LONRF2: variants seen among roughly 807,000 people sequenced by gnomAD.
The protein encoded by LONRF2 is LON peptidase N-terminal domain and RING finger protein 2.
In LONRF2, 35 loss-of-function variants were observed where a neutral mutation model predicts 66.6. The observed-to-expected ratio is 0.53, with a 90% CI of 0.40 to 0.70. The LOEUF is 0.70. LONRF2 is among the 30% of genes least tolerant of loss of function. The pLI is 0.00. For missense variants in LONRF2, 902 were observed against 1,002.1 expected (o/e 0.90, Z 1.35); for synonymous variants, 417 against 418.1 (o/e 1.00, Z 0.03).
chr2:100,320,926 A>G (rs1449222625), intron 1 of LONRF2, among the ~76,000 whole-genome samples: 4 of 152,208 alleles, frequency 2.6e-5, no homozygotes, highest in Non-Finnish European at 5.9e-5. Flanking sequence ...TGAGACAGAG[A>G]GCAGGCTAGA....
chr2:100,290,673 A>G (rs1409288531), intron 9 of LONRF2, among the ~76,000 whole-genome samples: 1 of 152,182 alleles, frequency 6.6e-6, no homozygotes, highest in Non-Finnish European at 1.5e-5. Context: ...AGCGGTTCCA[A>G]CGGGCTAGTG....
At chr2:100,286,378 A>G (rs1257293660) in intron 11 of LONRF2, among the ~76,000 whole-genome samples, 1 of 152,134 alleles carries the variant, frequency 6.6e-6, no homozygotes, top group African/African-American at 2.4e-5. Flanking sequence ...ATGCTCCACA[A>G]ACCTAAGCTC....
intron 1 of LONRF2, among the ~76,000 whole-genome samples, chr2:100,314,448 T>A (rs2104211506): frequency 6.6e-6 from 1 of 152,346 alleles, no homozygotes; most frequent in South Asian, 2.1e-4. Flanking sequence ...TCAATGGTGT[T>A]AAGTGAGTAC....
At chr2:100,305,199 A>AAAAC (rs1228433455) in intron 2 of LONRF2, among the ~76,000 whole-genome samples, 1 of 152,208 alleles carries the variant, frequency 6.6e-6, no homozygotes, top group Non-Finnish European at 1.5e-5. Flanking sequence ...GACAAAACAA[A>AAAAC]AAACAAACAA....
chr2:100,320,940 G>A (rs927138905), intron 1 of LONRF2, among the ~76,000 whole-genome samples: 2 of 152,184 alleles, frequency 1.3e-5, no homozygotes, highest in African/African-American at 2.4e-5. Flanking sequence ...GGCTAGAGCC[G>A]GAGCGTTTGA....
chr2:100,318,759 G>C (rs769257574), intron 1 of LONRF2, among the ~76,000 whole-genome samples: 1 of 151,482 alleles, frequency 6.6e-6, no homozygotes, highest in Non-Finnish European at 1.5e-5. Context: ...CTTGAACCCA[G>C]GAGGCAGAGG....
At chr2:100,316,716 C>T (rs1675515874) in intron 1 of LONRF2, among the ~76,000 whole-genome samples, 2 of 152,302 alleles carry the variant, frequency 1.3e-5, no homozygotes, top group Middle Eastern at 3.4e-3. Context: ...AATCTAAGTG[C>T]TGAAGTATGT....
intron 1 of LONRF2, among the ~76,000 whole-genome samples, chr2:100,313,860 G>A (rs1675455276): frequency 6.6e-6 from 1 of 151,944 alleles, no homozygotes; most frequent in South Asian, 2.1e-4. Context: ...TTTTGTATCT[G>A]ACTTCTCACT....
At chr2:100,302,444 A>C (rs1675203165) in intron 3 of LONRF2, among the ~76,000 whole-genome samples, 2 of 152,216 alleles carry the variant, frequency 1.3e-5, no homozygotes, top group Non-Finnish European at 2.9e-5. Flanking sequence ...ATGCTAAGTA[A>C]ATACCAGGTA....
chr2:100,310,578 G>A (rs1675388795), intron 1 of LONRF2, among the ~76,000 whole-genome samples: 3 of 152,144 alleles, frequency 2.0e-5, no homozygotes, highest in African/African-American at 7.2e-5. Context: ...ACTTATAAAT[G>A]TGTCATCACC....
At chr2:100,301,031 C>A (rs1474154311) in intron 3 of LONRF2, among the ~76,000 whole-genome samples, 1 of 152,078 alleles carries the variant, frequency 6.6e-6, no homozygotes, top group Non-Finnish European at 1.5e-5. Context: ...ATAGCAATAC[C>A]ACTTCCTTCT....
chr2:100,273,435 T>C lies in LONRF2; in HGVS notation c.*10863A>G, dbSNP rs1359503141. The C allele has an allele frequency of 6.6e-6, 1 of 152,254 alleles. No individual in the cohort carries two copies. The highest frequency in any genetic ancestry group is 2.4e-5 in the African/African-American group (1 of 41,472). The allele number at this position is 152,254 out of a possible 1,614,324, so 9.4% of individuals were successfully genotyped here. A position where few individuals can be genotyped will look rare whatever the true frequency, so the allele number is the denominator to read the frequency against. On this transcript the variant is annotated 3_prime_UTR_variant, in exon 12 of 12. Coordinates refer to ENST00000393437, the MANE Select transcript of LONRF2 (RefSeq NM_198461.4). ...AGCCTATTACTTAGGTGTGATTATT[T>C]ATTAAAGAACATTTACAACACTGTA...
At chr2:100,299,062 T>A in intron 6 of LONRF2, 112 bp from the exon 7 acceptor site, 1 of 907,306 alleles carries the variant, frequency 1.1e-6, no homozygotes, top group Non-Finnish European at 1.8e-6. Flanking sequence ...AGAAATCACT[T>A]GCATGCACTT....
In LONRF2 at chr2:100,283,739, C is replaced by T. The variant is rs1674785861; in HGVS notation, c.*559G>A. ...ACACAGTTCTATCCAGAGGCTACTA[C>T]TTCTTGGGTAAGGACTAGTTTGGGC... On this transcript the variant is annotated 3_prime_UTR_variant, in exon 12 of 12. Transcript: ENST00000393437. 1 of 152,376 alleles carries T rather than the reference C, an allele frequency of 6.6e-6. No homozygotes were observed. The highest frequency in any genetic ancestry group is 2.4e-5 in the African/African-American group (1 of 41,578). 9.4% of individuals were successfully genotyped at this position (152,376 alleles called of 1,614,324 possible). A position where few individuals can be genotyped will look rare whatever the true frequency, so the allele number is the denominator to read the frequency against.
intron 5 of LONRF2, 27 bp downstream of exon 5, chr2:100,299,690 A>G: frequency 6.3e-7 from 1 of 1,598,700 alleles, no homozygotes; most frequent in Non-Finnish European, 8.6e-7. Flanking sequence ...GAGTCACAGA[A>G]CTGCCTGATG....
At position 100,283,072 on chromosome 2, in the gene LONRF2, A is replaced by C. The variant is rs2105711228; in HGVS notation, c.*1226T>G. ...ACAGACGAGGAAGCCAACCAAATGC[A>C]CCAGCTGGTTGGGCCAGAGAGAACA... On this transcript the variant is annotated 3_prime_UTR_variant, in exon 12 of 12. Coordinates refer to ENST00000393437, the MANE Select transcript of LONRF2 (RefSeq NM_198461.4). 6.6e-6 allele frequency: 1 copy of C among 152,284 alleles called. No individual in the cohort carries two copies. The highest frequency in any genetic ancestry group is 1.9e-4 in the East Asian group (1 of 5,186). 9.4% of individuals were successfully genotyped at this position (152,284 alleles called of 1,614,324 possible). A position where few individuals can be genotyped will look rare whatever the true frequency, so the allele number is the denominator to read the frequency against.
chr2:100,279,517 C>T lies in LONRF2; in HGVS notation c.*4781G>A, dbSNP rs867573116. ...TAAAAGTTTCTGCTATCAAAAGTGA[C>T]CTTAGTATGTCAAAACAGCAGAGGA... is the stretch of plus-strand genomic sequence containing the variant. On this transcript the variant is annotated 3_prime_UTR_variant, in exon 12 of 12. Transcript: ENST00000393437. The T allele has an allele frequency of 2.6e-5, 4 of 152,150 alleles. No homozygotes were observed. Among genetic ancestry groups the T allele is most frequent in the African/African-American group, 9.7e-5 (4 of 41,426 alleles). The allele number at this position is 152,150 out of a possible 1,614,324, so 9.4% of individuals were successfully genotyped here. A position where few individuals can be genotyped will look rare whatever the true frequency, so the allele number is the denominator to read the frequency against.
rs1243904661 is a variant in LONRF2 at position 100,279,202 on chromosome 2, G to A, written c.*5096C>T. ...CTACTTATCCTTTACTGAACTATCA[G>A]TGCACACCCCCAGCCACACAACCGC... On this transcript the variant is annotated 3_prime_UTR_variant, in exon 12 of 12. Coordinates refer to ENST00000393437, the MANE Select transcript of LONRF2 (RefSeq NM_198461.4). The A allele has an allele frequency of 6.6e-6, 1 of 151,940 alleles. No individual in the cohort carries two copies. The highest frequency in any genetic ancestry group is 1.5e-5 in the Non-Finnish European group (1 of 68,094). The allele number at this position is 151,940 out of a possible 1,614,324, so 9.4% of individuals were successfully genotyped here. A position where few individuals can be genotyped will look rare whatever the true frequency, so the allele number is the denominator to read the frequency against.
rs142007035 is a variant in LONRF2 at position 100,309,165 on chromosome 2, T to C, written c.740A>G (p.Tyr247Cys). Residue 247 changes from tyrosine to cysteine, a missense_variant, in exon 2 of 12, where the codon TAT (tyrosine) becomes TGT (cysteine). This residue lies in a region of LONRF2 where 585 missense variants were observed against 569.9 expected (regional missense o/e 1.03). Coordinates refer to ENST00000393437, the MANE Select transcript of LONRF2 (RefSeq NM_198461.4). ...ACTGGCATCTTGGAGAGCTTGCTCA[T>C]AGTTCTTCATGGTCAAATATAACTC... The part of the protein sequence containing the change: ...RAELYLTMKN[Y>C]EQALQDASAA... 4.8e-5 allele frequency: 77 copies of C among 1,607,904 alleles called. No individual in the cohort carries two copies. The highest frequency in any genetic ancestry group is 3.3e-4 in the Middle Eastern group (2 of 6,072).
Sources: gnomAD v4.1 joint callset for allele counts (sites outside exome capture counted in the v4.1 genomes callset) on GRCh38, gnomAD v4.1.1 for gene constraint, gnomAD v4.1.1 regional missense constraint, MANE v1.5 for transcripts, NCBI Gene and HGNC (gene_info 2026-07-23, HGNC 2026-07-21) for gene names.